Variants in ALG12 observed in about 807,000 individuals in gnomAD.
ALG12 encodes the protein ALG12 alpha-1,6-mannosyltransferase, also known as dol-P-Man:Man(7)GlcNAc(2)-PP-Dol alpha-1,6-mannosyltransferase.
A neutral mutation model predicts 46.0 loss-of-function variants in ALG12; 36 were observed. That is an observed-to-expected ratio of 0.78 (90% confidence interval 0.60 to 1.03). The LOEUF (loss-of-function observed/expected upper bound fraction) is 1.03. Among genes scored for constraint, ALG12 ranks in the 50% least tolerant of loss-of-function variants. ALG12 has a pLI of 0.00. For missense variants in ALG12, 599 were observed against 633.5 expected (o/e 0.95, Z 0.58); for synonymous variants, 326 against 291.6 (o/e 1.12, Z -1.20).
rs1490303297 is a variant in ALG12, at chr22:49,906,960, G to C, written c.992+761C>G. On this transcript the variant is annotated intron_variant, in intron 7 of 9. Transcript: ENST00000330817. This position sits in a 1 kb window ranked among gnomAD's most constrained non-coding sequence, Gnocchi z 4.4. ...TCAGACCACCCCACCCTCAGCCCAG[G>C]CAGTGCCCTCCCCAGGCCCTGCCAG... 6.6e-6 allele frequency among the ~76,000 whole-genome samples: 1 copy of C among 151,980 alleles called. No individual in the cohort carries two copies. Among genetic ancestry groups the C allele is most frequent in the African/African-American group, 2.4e-5 (1 of 41,392 alleles).
chr22:49,914,585 T>G (rs2060599485), intron 1 of ALG12, among the ~76,000 whole-genome samples: 1 of 152,212 alleles, frequency 6.6e-6, no homozygotes, highest in Non-Finnish European at 1.5e-5. Flanking sequence ...CATGTCCAGC[T>G]GCTACACGTG....
the ALG12 span, among the ~76,000 whole-genome samples, chr22:49,892,544 C>T: frequency 2.0e-5 from 3 of 152,318 alleles, no homozygotes; most frequent in African/African-American, 7.2e-5. Context: ...GGCTTGGAAA[C>T]CCAAATATAG....
At chr22:49,898,359 T>C (rs192794302), downstream of ALG12, among the ~76,000 whole-genome samples, 4 of 152,130 alleles carry the variant, frequency 2.6e-5, no homozygotes, top group Admixed American at 2.0e-4. Flanking sequence ...TTCTCCCAGT[T>C]TGTGGTTTGT....
intron 7 of ALG12, among the ~76,000 whole-genome samples, chr22:49,907,393 C>T (rs577278807): frequency 3.3e-5 from 5 of 152,308 alleles, no homozygotes; most frequent in South Asian, 2.1e-4. Flanking sequence ...AATGCCAGGC[C>T]GGTCCCATCC....
intron 7 of ALG12, 21 bp from the exon 8 acceptor site, chr22:49,904,527 C>G (rs1429227741): frequency 9.3e-6 from 15 of 1,613,716 alleles, no homozygotes; most frequent in African/African-American, 1.3e-5. Flanking sequence ...AATGGTTACA[C>G]ATCATAGGCA....
chr22:49,896,758 C>A (rs1398804548), downstream of ALG12, among the ~76,000 whole-genome samples: 4 of 152,144 alleles, frequency 2.6e-5, no homozygotes, highest in Non-Finnish European at 5.9e-5. Context: ...GCTTCAGCCT[C>A]CCCAGTAGCT....
At chr22:49,897,658 G>GTT (rs2060488396), downstream of ALG12, among the ~76,000 whole-genome samples, 2 of 125,924 alleles carry the variant, frequency 1.6e-5, no homozygotes, top group African/African-American at 6.2e-5. Context: ...TTTTGCCCAT[G>GTT]TTTTCTTTTT....
At chr22:49,884,986 G>A in the ALG12 span, 7 of 1,613,558 alleles carry the variant, frequency 4.3e-6, no homozygotes, top group Non-Finnish European at 5.9e-6. Flanking sequence ...TAGATTGTTT[G>A]AATCTGGCGC....
At chr22:49,861,047 A>G in the ALG12 span, among the ~76,000 whole-genome samples, 2 of 151,434 alleles carry the variant, frequency 1.3e-5, no homozygotes, top group African/African-American at 4.8e-5. Flanking sequence ...AAGTGCTGGG[A>G]TAATGGGCAT....
chr22:49,897,633 G>A (rs990694884), downstream of ALG12, among the ~76,000 whole-genome samples: 3 of 151,142 alleles, frequency 2.0e-5, no homozygotes, highest in African/African-American at 7.3e-5. Context: ...CTTTGGTGAG[G>A]GGTCTATTCA....
At chr22:49,861,810 C>T in the ALG12 span, among the ~76,000 whole-genome samples, 30 of 152,278 alleles carry the variant, frequency 2.0e-4, 2 homozygotes, top group South Asian at 1.9e-3. Context: ...GATCCTTTGC[C>T]GTGGGATGCC....
At chr22:49,883,893 A>C in the ALG12 span, 1 of 1,607,404 alleles carries the variant, frequency 6.2e-7, no homozygotes, top group Non-Finnish European at 8.5e-7. Context: ...ACTTGTCTGC[A>C]GAGAGTGAGG....
chr22:49,897,874 T>C (rs1254397518), downstream of ALG12, among the ~76,000 whole-genome samples: 1 of 151,938 alleles, frequency 6.6e-6, no homozygotes, highest in Non-Finnish European at 1.5e-5. Context: ...TTAGCCAGGA[T>C]GGTCTCAACC....
rs2060540143 is a variant in ALG12 at position 49,906,015 on chromosome 22, C to T, written c.993-1509G>A. On this transcript the variant is annotated intron_variant, in intron 7 of 9. Coordinates refer to ENST00000330817, the MANE Select transcript of ALG12 (RefSeq NM_024105.4). This position sits in a 1 kb window ranked among gnomAD's most constrained non-coding sequence, Gnocchi z 4.4. ...TGGGCCCTGACACCGTGGGAAACGG[C>T]CTGCTCTTGCTCCCAGGGTGGCCGG... Among the ~76,000 whole-genome samples, 1 of 152,218 alleles carries T rather than the reference C, an allele frequency of 6.6e-6. No homozygotes were observed. Among genetic ancestry groups the T allele is most frequent in the Admixed American group, 6.5e-5 (1 of 15,284 alleles).
At chr22:49,889,215 A>G in the ALG12 span, 2 of 167,066 alleles carry the variant, frequency 1.2e-5, no homozygotes, top group African/African-American at 4.8e-5. Flanking sequence ...ACGATTGGCA[A>G]GCTGCAACCA....
chr22:49,879,209 G>C, the ALG12 span, among the ~76,000 whole-genome samples: 1 of 149,246 alleles, frequency 6.7e-6, no homozygotes. Context: ...ACTGTAACTT[G>C]CGCCTCCCGG....
the ALG12 span, among the ~76,000 whole-genome samples, chr22:49,894,105 C>CA: frequency 2.0e-5 from 3 of 152,308 alleles, no homozygotes; most frequent in Admixed American, 6.5e-5. Flanking sequence ...GCGGAGGTTG[C>CA]AGTGAGCCGA....
At chr22:49,885,544 C>T in the ALG12 span, 187 of 1,605,732 alleles carry the variant, frequency 1.2e-4, no homozygotes, top group Middle Eastern at 1.2e-3. Context: ...TCCGGACACC[C>T]GGGTGCCGCG....
Position 49,904,035 on chromosome 22 carries a change from TC to T in ALG12, c.1269del (p.Thr424GlnfsTer37). ...ATGTGTGTGTATGCCAGCATGCCTG[TC>T]CCCGGCTGCACATCCTCCCTCTTGT... Reference protein sequence around the residue: ...RYDKREDVQPGTGMLAYTHIL... With the variant: ...RYDKREDVQPXTGMLAYTHIL... On this transcript the variant is annotated frameshift_variant, in exon 10 of 10. Transcript: ENST00000330817. LOFTEE classifies it low-confidence loss of function (END_TRUNC). The T allele has an allele frequency of 6.2e-7, 1 of 1,614,142 alleles. No individual in the cohort carries two copies. Among genetic ancestry groups the T allele is most frequent in the Non-Finnish European group, 8.5e-7 (1 of 1,179,992 alleles).
Sources: allele counts gnomAD v4.1 joint callset (sites outside exome capture counted in the v4.1 genomes callset), GRCh38; gene constraint gnomAD v4.1.1; non-coding constraint Gnocchi (gnomAD v3.1); transcripts MANE v1.5; gene names NCBI Gene and HGNC (gene_info 2026-07-23, HGNC 2026-07-21).